TMEM120B: variants seen among roughly 807,000 people sequenced by gnomAD.
TMEM120B encodes transmembrane protein 120B.
TMEM120B carries 31 observed loss-of-function variants against 55.5 expected under a neutral mutation model. That is an observed-to-expected ratio of 0.56 (90% CI 0.42 to 0.75). The LOEUF (loss-of-function observed/expected upper bound fraction) is 0.75, where lower values mean the gene tolerates loss of function less well. Ranked by LOEUF, TMEM120B falls within the 30% of genes least tolerant of loss-of-function variation. The pLI is 0.00. For missense variants in TMEM120B, 399 were observed against 425.5 expected (o/e 0.94, Z 0.55); for synonymous variants, 203 against 176.3 (o/e 1.15, Z -1.20).
At position 121,750,540 on chromosome 12, in the gene TMEM120B, ACACC is replaced by A. The variant is rs1412649891; in HGVS notation, c.365+105_365+108del. On this transcript the variant is annotated intron_variant, in intron 4 of 11. Coordinates refer to ENST00000449592, the MANE Select transcript of TMEM120B (RefSeq NM_001080825.2). Reference sequence around the variant, plus strand: ...CACTGAGAACCCACACCCCACATCCACACCCACACCAACACCCCACACCTCAAAC... The same window carrying A: ...CACTGAGAACCCACACCCCACATCCACACACCAACACCCCACACCTCAAAC... 6.3e-6 allele frequency: 5 copies of A among 793,440 alleles called. No homozygotes were observed. In the Admixed American group the frequency reaches 9.6e-5, roughly 15 times the overall value. 49.1% of individuals were successfully genotyped at this position (793,440 alleles called of 1,614,324 possible). A position where few individuals can be genotyped will look rare whatever the true frequency, so the allele number is the denominator to read the frequency against.
At chr12:121,724,633 TG>T (rs1376658462) in intron 1 of TMEM120B, among the ~76,000 whole-genome samples, 1 of 148,758 alleles carries the variant, frequency 6.7e-6, no homozygotes, top group Non-Finnish European at 1.5e-5. Flanking sequence ...TTTTTTGAGA[TG>T]GAGTCTCGCT....
chr12:121,723,264 C>T (rs1430803949), intron 1 of TMEM120B, among the ~76,000 whole-genome samples: 1 of 152,086 alleles, frequency 6.6e-6, no homozygotes, highest in African/African-American at 2.4e-5. Flanking sequence ...AACTCCTAGG[C>T]TCAAGCTATC....
chr12:121,771,414 A>G, intron 7 of TMEM120B, 74 bp from the exon 8 acceptor site: 2 of 1,304,660 alleles, frequency 1.5e-6, no homozygotes, highest in African/African-American at 1.5e-5. Context: ...TCTGGTTGGA[A>G]TGGAGTTGGG....
chr12:121,755,400 GGCA>G (rs957147320), intron 5 of TMEM120B, among the ~76,000 whole-genome samples: 4 of 152,244 alleles, frequency 2.6e-5, no homozygotes, highest in African/African-American at 9.6e-5. Context: ...GCTTTGGTGA[GGCA>G]GCAGGAGAGT....
intron 2 of TMEM120B, among the ~76,000 whole-genome samples, chr12:121,744,116 T>C (rs1329499700): frequency 6.6e-6 from 1 of 150,492 alleles, no homozygotes; most frequent in East Asian, 2.0e-4. Flanking sequence ...TGGAGTGCCA[T>C]GGCATGATTT....
chr12:121,716,146 G>T lies in TMEM120B; in HGVS notation c.69+3182G>T, dbSNP rs1226455355. The stretch of plus-strand genomic sequence containing the variant: ...AGGGAAACCCCTGTCTCTACAAACA[G>T]TAAAAAAAAAAAATTGCTGGGTGTG... On this transcript the variant is annotated intron_variant, in intron 1 of 11. Coordinates refer to ENST00000449592, the MANE Select transcript of TMEM120B (RefSeq NM_001080825.2). Among the ~76,000 whole-genome samples, 5 of 150,722 alleles carry T rather than the reference G, an allele frequency of 3.3e-5. No individual in the cohort carries two copies. The East Asian group carries it at 9.8e-4, about 29-fold the overall frequency.
intron 1 of TMEM120B, among the ~76,000 whole-genome samples, chr12:121,719,974 A>G (rs559600242): frequency 2.0e-4 from 31 of 152,284 alleles, no homozygotes; most frequent in Admixed American, 1.8e-3. Flanking sequence ...TGCTGGGATT[A>G]TAGGCATGAG....
intron 8 of TMEM120B, 107 bp from the exon 9 acceptor site, chr12:121,773,314 G>C: frequency 2.0e-6 from 2 of 976,266 alleles, no homozygotes; most frequent in South Asian, 3.0e-5. Context: ...CACCCTTTCT[G>C]CTTCTGCCCA....
chr12:121,760,987 GT>G (rs997393689), intron 5 of TMEM120B, among the ~76,000 whole-genome samples: 29 of 150,582 alleles, frequency 1.9e-4, no homozygotes, highest in African/African-American at 6.6e-4. Context: ...CCATTCTTTT[GT>G]TTTTTTTTGG....
intron 1 of TMEM120B, among the ~76,000 whole-genome samples, chr12:121,742,545 G>C (rs1872962623): frequency 6.6e-6 from 1 of 151,962 alleles, no homozygotes; most frequent in Non-Finnish European, 1.5e-5. Context: ...TCTAATTTTG[G>C]TACATGTGCT....
chr12:121,737,655 T>C (rs947766616), intron 1 of TMEM120B, among the ~76,000 whole-genome samples: 2 of 152,098 alleles, frequency 1.3e-5, no homozygotes, highest in African/African-American at 4.8e-5. Flanking sequence ...TTTGTTGCAT[T>C]TCCCAGCCAG....
At chr12:121,757,422 A>G (rs1203499316) in intron 5 of TMEM120B, among the ~76,000 whole-genome samples, 1 of 151,998 alleles carries the variant, frequency 6.6e-6, no homozygotes, top group African/African-American at 2.4e-5. Flanking sequence ...GCTCACTGCA[A>G]GCTCCGCCTC....
chr12:121,754,290 C>T (rs899083148), intron 5 of TMEM120B, among the ~76,000 whole-genome samples: 1 of 152,234 alleles, frequency 6.6e-6, no homozygotes, highest in Non-Finnish European at 1.5e-5. Context: ...CAGCCACAGT[C>T]CCTTGCACAG....
chr12:121,714,752 G>C (rs988167340), intron 1 of TMEM120B, among the ~76,000 whole-genome samples: 48 of 151,292 alleles, frequency 3.2e-4, no homozygotes, highest in African/African-American at 1.0e-3. Context: ...AGTAGAGACA[G>C]GGTTTCACCA....
At chr12:121,759,278 G>A (rs1471604735) in intron 5 of TMEM120B, among the ~76,000 whole-genome samples, 1 of 151,862 alleles carries the variant, frequency 6.6e-6, no homozygotes, top group Non-Finnish European at 1.5e-5. Flanking sequence ...CGGCAAATCC[G>A]AACGGGTCTG....
intron 5 of TMEM120B, among the ~76,000 whole-genome samples, chr12:121,761,325 TTCACA>T (rs1292837378): frequency 1.3e-5 from 2 of 152,028 alleles, no homozygotes; most frequent in Non-Finnish European, 2.9e-5. Context: ...CACCAGAAAT[TTCACA>T]TCACATGGGA....
chr12:121,773,792 TG>T (rs1239534937), intron 9 of TMEM120B, among the ~76,000 whole-genome samples: 1 of 106,728 alleles, frequency 9.4e-6, no homozygotes, highest in African/African-American at 4.8e-5. Context: ...TAGCCATTTG[TG>T]TGTAACATGT....
intron 1 of TMEM120B, among the ~76,000 whole-genome samples, chr12:121,739,189 A>G (rs1366448793): frequency 6.6e-6 from 1 of 152,166 alleles, no homozygotes; most frequent in Non-Finnish European, 1.5e-5. Flanking sequence ...CTCTGTCTCA[A>G]AAAACAAAAA....
intron 5 of TMEM120B, among the ~76,000 whole-genome samples, chr12:121,753,416 C>A (rs1483721199): frequency 2.0e-5 from 3 of 151,834 alleles, no homozygotes; most frequent in Non-Finnish European, 4.4e-5. Flanking sequence ...ACTGAAAATA[C>A]AAAAATTAGC....
Sources: gnomAD v4.1 joint callset for allele counts (sites outside exome capture counted in the v4.1 genomes callset) on GRCh38, gnomAD v4.1.1 for gene constraint, MANE v1.5 for transcripts, NCBI Gene and HGNC (gene_info 2026-07-23, HGNC 2026-07-21) for gene names.